The following NHLH1 variants were observed in gnomAD, a reference collection of about 807,000 sequenced individuals.
The protein encoded by NHLH1 is helix-loop-helix protein 1.
A neutral mutation model predicts 6.7 loss-of-function variants in NHLH1; 3 were observed. The ratio of observed to expected loss-of-function variants is 0.44; its 90% CI spans 0.20 to 1.15. The LOEUF is 1.15. Ranked by LOEUF, NHLH1 falls within the 50% of genes most tolerant of loss-of-function variation. The probability of loss-of-function intolerance (pLI) is 0.26; values close to 1 mark genes in which losing one functional copy is unlikely to be tolerated. For missense variants in NHLH1, 177 were observed against 189.5 expected, an observed-to-expected ratio of 0.93 and a Z score of 0.39; for synonymous variants, 92 against 84.2, an observed-to-expected ratio of 1.09 and a Z score of -0.51.
Position 160,371,223 on chromosome 1 carries a change from T to C in NHLH1, c.*90T>C, listed in dbSNP as rs951959948. On this transcript the variant is annotated 3_prime_UTR_variant, in exon 2 of 2. Coordinates refer to ENST00000302101, the MANE Select transcript of NHLH1 (RefSeq NM_005598.4). Reference sequence around the variant, plus strand: ...AGGCCGCATCCTCCCCGAGCCCTTATACCTTGGCATGGAGTCCCAAAGGCC... The same window carrying C: ...AGGCCGCATCCTCCCCGAGCCCTTACACCTTGGCATGGAGTCCCAAAGGCC... 1 of 1,503,586 alleles carries C rather than the reference T, an allele frequency of 6.7e-7. No homozygotes were observed. The highest frequency in any genetic ancestry group is 1.4e-5 in the African/African-American group (1 of 70,340). 93.1% of individuals were successfully genotyped at this position (1,503,586 alleles called of 1,614,324 possible). A position where few individuals can be genotyped will look rare whatever the true frequency, so the allele number is the denominator to read the frequency against.
In NHLH1 at chr1:160,371,103, C is replaced by T. The variant is rs1017831874; in HGVS notation, c.372C>T (p.Ile124=). The T allele has an allele frequency of 2.0e-5, 32 of 1,613,104 alleles. No individual in the cohort carries two copies. The highest frequency in any genetic ancestry group is 2.7e-5 in the Non-Finnish European group (32 of 1,179,460). Residue 124 remains isoleucine, a synonymous_variant, in exon 2 of 2, where the codon ATC becomes ATT. Coordinates refer to ENST00000302101, the MANE Select transcript of NHLH1 (RefSeq NM_005598.4). ...TTCTGCGCCTGGCCATCTGCTATATCTCCTACCTGAACCACGTGCTGGACG... is the reference window on the plus strand; with the variant it reads ...TTCTGCGCCTGGCCATCTGCTATATTTCCTACCTGAACCACGTGCTGGACG... ...IEILRLAICY[I]SYLNHVLDV
intron 1 of NHLH1, among the ~76,000 whole-genome samples, chr1:160,368,847 T>A (rs954821852): frequency 6.6e-6 from 1 of 152,212 alleles, no homozygotes; most frequent in African/African-American, 2.4e-5. Flanking sequence ...GCTTGTATTC[T>A]CCCCTCACAA....
Position 160,370,850 on chromosome 1 carries a change from C to A in NHLH1, c.119C>A (p.Pro40Gln). 1 of 1,596,724 alleles carries A rather than the reference C, an allele frequency of 6.3e-7. No individual in the cohort carries two copies. Among genetic ancestry groups the A allele is most frequent in the African/African-American group, 1.3e-5 (1 of 74,208 alleles). The change falls in exon 2 of 2, where the codon CCG becomes CAG. Residue 40 changes from proline to glutamine, a missense_variant. Transcript: ENST00000302101. Reference protein sequence around the residue: ...AGPDGAGPGGPGGGQARGPEP... With the variant: ...AGPDGAGPGGQGGGQARGPEP... ...CCTGATGGTGCCGGGCCTGGGGGTCCGGGAGGGGGCCAGGCCCGAGGCCCA... is the reference window on the plus strand; with the variant it reads ...CCTGATGGTGCCGGGCCTGGGGGTCAGGGAGGGGGCCAGGCCCGAGGCCCA...
At chr1:160,368,167 C>T (rs547506902) in intron 1 of NHLH1, among the ~76,000 whole-genome samples, 2 of 152,262 alleles carry the variant, frequency 1.3e-5, no homozygotes, top group South Asian at 4.1e-4. Context: ...ATCTATCAGA[C>T]AGGAAAGCCA....
intron 1 of NHLH1, among the ~76,000 whole-genome samples, chr1:160,369,699 A>T (rs982285867): frequency 6.6e-6 from 1 of 152,080 alleles, no homozygotes; most frequent in African/African-American, 2.4e-5. Context: ...GATGTTGAAC[A>T]TTTTTTCATA....
chr1:160,369,231 C>A (rs1042694812), intron 1 of NHLH1, among the ~76,000 whole-genome samples: 1 of 152,216 alleles, frequency 6.6e-6, no homozygotes, highest in African/African-American at 2.4e-5. Context: ...CACTTATCAT[C>A]ATATCCTCAA....
Position 160,371,719 on chromosome 1 carries a change from T to C in NHLH1, c.*586T>C, listed in dbSNP as rs1269155972. On this transcript the variant is annotated 3_prime_UTR_variant, in exon 2 of 2. Transcript: ENST00000302101. ...TGAGGGGAATCTCAGTAGCTGGGAATTATGGAAAAACTCTTCCTGTTTCTG... is the reference window on the plus strand; with the variant it reads ...TGAGGGGAATCTCAGTAGCTGGGAACTATGGAAAAACTCTTCCTGTTTCTG... 6.0e-6 allele frequency: 1 copy of C among 167,238 alleles called. No individual in the cohort carries two copies. The highest frequency in any genetic ancestry group is 1.5e-5 in the Non-Finnish European group (1 of 68,322). The allele number at this position is 167,238 out of a possible 1,614,324, so 10.4% of individuals were successfully genotyped here.
intron 1 of NHLH1, among the ~76,000 whole-genome samples, chr1:160,368,531 G>A (rs906647669): frequency 6.6e-6 from 1 of 152,218 alleles, no homozygotes; most frequent in African/African-American, 2.4e-5. Context: ...AAAAGGGCCA[G>A]GGAATGGCAA....
rs770493535 is a variant in NHLH1 at position 160,370,993 on chromosome 1, G to T, written c.262G>T (p.Val88Leu). The stretch of plus-strand genomic sequence containing the variant: ...CCACGCCACGCGAGAACGCATCCGC[G>T]TGGAAGCCTTCAACCTGGCCTTCGC... ...TAHATRERIR[V>L]EAFNLAFAEL... Residue 88 changes from valine to leucine, a missense_variant, in exon 2 of 2, where the codon GTG (valine) becomes TTG (leucine). Coordinates refer to ENST00000302101, the MANE Select transcript of NHLH1 (RefSeq NM_005598.4). 3.1e-6 allele frequency: 5 copies of T among 1,613,954 alleles called. No individual in the cohort carries two copies. The highest frequency in any genetic ancestry group is 2.2e-5 in the South Asian group (2 of 91,082).
chr1:160,370,540 T>C lies in NHLH1; in HGVS notation c.-175-17T>C. On this transcript the variant is annotated splice_polypyrimidine_tract_variant and intron_variant, in intron 1 of 1. Transcript: ENST00000302101. ...CTCCTCCCTCCGCTGCTATCACTTC[T>C]CTCTTCTCTTTTTCAGGCTTCAGAC... is the stretch of plus-strand genomic sequence containing the variant. The C allele has an allele frequency of 1.7e-6, 1 of 592,326 alleles. No individual in the cohort carries two copies. Among genetic ancestry groups the C allele is most frequent in the South Asian group, 2.0e-5 (1 of 49,798 alleles). The allele number at this position is 592,326 out of a possible 1,614,324, so 36.7% of individuals were successfully genotyped here. A position where few individuals can be genotyped will look rare whatever the true frequency, so the allele number is the denominator to read the frequency against.
rs1421885410 is a variant in NHLH1 at position 160,367,315 on chromosome 1, A to AT, written c.-197dup. The AT allele has an allele frequency of 6.6e-6, 1 of 152,130 alleles. No individual in the cohort carries two copies. Among genetic ancestry groups the AT allele is most frequent in the Non-Finnish European group, 1.5e-5 (1 of 68,082 alleles). The allele number at this position is 152,130 out of a possible 1,614,324, so 9.4% of individuals were successfully genotyped here. The stretch of plus-strand genomic sequence containing the variant: ...GCTGCCCCTTGTCCTGCCGGCTTGG[A>AT]TCCCCTGACAGGGTCCTTCTAGGTA... On this transcript the variant is annotated 5_prime_UTR_variant, in exon 1 of 2. The change abolishes the stop of an existing upstream ORF in the 5' untranslated region. Transcript: ENST00000302101.
At position 160,370,639 on chromosome 1, in the gene NHLH1, C is replaced by T; in HGVS notation, c.-93C>T. 7.6e-7 allele frequency: 1 copy of T among 1,319,594 alleles called. No homozygotes were observed. 81.7% of individuals were successfully genotyped at this position (1,319,594 alleles called of 1,614,324 possible). A position where few individuals can be genotyped will look rare whatever the true frequency, so the allele number is the denominator to read the frequency against. On this transcript the variant is annotated 5_prime_UTR_variant, in exon 2 of 2. Coordinates refer to ENST00000302101, the MANE Select transcript of NHLH1 (RefSeq NM_005598.4). Reference sequence around the variant, plus strand: ...AGTGGCAGACCCCACGACCCTTCCTCCCCCTTCCTCCCCCTCCCACCACCA... The same window carrying T: ...AGTGGCAGACCCCACGACCCTTCCTTCCCCTTCCTCCCCCTCCCACCACCA...
At chr1:160,368,314 CT>C (rs2101919564) in intron 1 of NHLH1, among the ~76,000 whole-genome samples, 1 of 152,312 alleles carries the variant, frequency 6.6e-6, no homozygotes, top group East Asian at 1.9e-4. Flanking sequence ...CTTTCCCCAG[CT>C]TTTCCCAGGC....
Position 160,371,359 on chromosome 1 carries a change from G to C in NHLH1, c.*226G>C. The C allele has an allele frequency of 1.7e-6, 1 of 594,082 alleles. No individual in the cohort carries two copies. Among genetic ancestry groups the C allele is most frequent in the Non-Finnish European group, 2.8e-6 (1 of 357,270 alleles). 36.8% of individuals were successfully genotyped at this position (594,082 alleles called of 1,614,324 possible). A position where few individuals can be genotyped will look rare whatever the true frequency, so the allele number is the denominator to read the frequency against. On this transcript the variant is annotated 3_prime_UTR_variant, in exon 2 of 2. Coordinates refer to ENST00000302101, the MANE Select transcript of NHLH1 (RefSeq NM_005598.4). ...GTTCCTTCCGGGGTTTATTGCTGAG[G>C]CCCAGCTGTGCAGAATTGTTTGCTA...
chr1:160,369,808 G>A (rs1649583146), intron 1 of NHLH1, among the ~76,000 whole-genome samples: 2 of 151,992 alleles, frequency 1.3e-5, no homozygotes, highest in East Asian at 1.9e-4. Context: ...AAATTTATGG[G>A]GTACAAGTGC....
Position 160,370,904 on chromosome 1 carries a change from T to A in NHLH1, c.173T>A (p.Leu58Gln), listed in dbSNP as rs762589291. ...CCGGGAGAGCCTGGCCGGAAAGACC[T>A]GCAGCATCTGAGCCGCGAGGAGCGC... ...PEPGEPGRKD[L>Q]QHLSREERRR... Residue 58 changes from leucine (L) to glutamine (Q), a missense_variant, in exon 2 of 2, where the codon CTG becomes CAG. Leu to Gln is a moderately radical substitution (Grantham distance 113). Transcript: ENST00000302101. The A allele has an allele frequency of 2.5e-6, 4 of 1,607,714 alleles. No individual in the cohort carries two copies. Among genetic ancestry groups the A allele is most frequent in the Non-Finnish European group, 3.4e-6 (4 of 1,176,956 alleles).
At position 160,370,909 on chromosome 1, in the gene NHLH1, C is replaced by T. The variant is rs1167308229; in HGVS notation, c.178C>T (p.His60Tyr). Residue 60 changes from histidine to tyrosine, a missense_variant, in exon 2 of 2, where the codon CAT becomes TAT. Transcript: ENST00000302101. ...AGAGCCTGGCCGGAAAGACCTGCAGCATCTGAGCCGCGAGGAGCGCCGGCG... is the reference window on the plus strand; with the variant it reads ...AGAGCCTGGCCGGAAAGACCTGCAGTATCTGAGCCGCGAGGAGCGCCGGCG... Reference protein sequence around the residue: ...PGEPGRKDLQHLSREERRRRR... With the variant: ...PGEPGRKDLQYLSREERRRRR... 1.2e-6 allele frequency: 2 copies of T among 1,607,818 alleles called. No homozygotes were observed. Among genetic ancestry groups the T allele is most frequent in the Non-Finnish European group, 1.7e-6 (2 of 1,176,948 alleles).
In NHLH1 at chr1:160,371,501, C is replaced by G; in HGVS notation, c.*368C>G. ...ACCCCTATGTCCAAATTTTCAGCCA[C>G]CACAGACCTCAGCTGTGTATCCTAT... On this transcript the variant is annotated 3_prime_UTR_variant, in exon 2 of 2. Coordinates refer to ENST00000302101, the MANE Select transcript of NHLH1 (RefSeq NM_005598.4). 4.8e-6 allele frequency: 1 copy of G among 207,954 alleles called. No homozygotes were observed. Among genetic ancestry groups the G allele is most frequent in the Non-Finnish European group, 1.1e-5 (1 of 94,992 alleles). The allele number at this position is 207,954 out of a possible 1,614,324, so 12.9% of individuals were successfully genotyped here. A position where few individuals can be genotyped will look rare whatever the true frequency, so the allele number is the denominator to read the frequency against.
intron 1 of NHLH1, among the ~76,000 whole-genome samples, chr1:160,370,308 T>A (rs192208061): frequency 1.3e-5 from 2 of 152,196 alleles, no homozygotes; most frequent in East Asian, 3.9e-4. Flanking sequence ...TCACTTCTGT[T>A]CCTTTCCTGT....
Sources: allele counts gnomAD v4.1 joint callset (sites outside exome capture counted in the v4.1 genomes callset), GRCh38; gene constraint gnomAD v4.1.1; transcripts MANE v1.5; gene names NCBI Gene and HGNC (gene_info 2026-07-23, HGNC 2026-07-21).